Variants in LRRIQ1 observed in about 807,000 individuals in gnomAD.
LRRIQ1 encodes leucine-rich repeat- and IQ domain-containing protein 1.
Under a neutral mutation model 211.9 loss-of-function variants are expected in LRRIQ1, and 210 were observed. That is an observed-to-expected ratio of 0.99 (90% CI 0.89 to 1.11). The LOEUF is 1.11. Among genes scored for constraint, LRRIQ1 ranks in the 50% most tolerant of loss-of-function variants. The pLI is 0.00. For synonymous variants in LRRIQ1, 699 were observed against 650.1 expected, an observed-to-expected ratio of 1.08 and a Z score of -1.14; for missense variants, 2,136 against 1,939.5, an observed-to-expected ratio of 1.10 and a Z score of -1.90.
At chr12:85,117,550 A>C (rs568765572) in intron 15 of LRRIQ1, among the ~76,000 whole-genome samples, 19 of 152,296 alleles carry the variant, frequency 1.2e-4, no homozygotes, top group Non-Finnish European at 2.5e-4. Context: ...TTTCACATTC[A>C]TTCACTCAGG....
chr12:85,170,096 A>G (rs994569611), intron 24 of LRRIQ1, among the ~76,000 whole-genome samples: 7 of 152,062 alleles, frequency 4.6e-5, no homozygotes, highest in Non-Finnish European at 1.0e-4. Context: ...TTATATCTGG[A>G]TAAGGTAGAT....
At chr12:85,173,855 C>T (rs1490864950) in intron 24 of LRRIQ1, among the ~76,000 whole-genome samples, 2 of 152,028 alleles carry the variant, frequency 1.3e-5, no homozygotes, top group African/African-American at 2.4e-5. Flanking sequence ...TAGACCATAG[C>T]ACCATGCCTT....
At chr12:85,236,034 A>G (rs1895158131) in intron 26 of LRRIQ1, among the ~76,000 whole-genome samples, 1 of 152,152 alleles carries the variant, frequency 6.6e-6, no homozygotes, top group Non-Finnish European at 1.5e-5. Flanking sequence ...TGTACTATAA[A>G]GATTGGAAAG....
intron 24 of LRRIQ1, among the ~76,000 whole-genome samples, chr12:85,198,251 G>C (rs531570837): frequency 4.1e-5 from 6 of 146,006 alleles, no homozygotes; most frequent in Admixed American, 1.4e-4. Context: ...TTGTTATTGT[G>C]AATAGTGCTG....
chr12:85,266,486 A>G (rs1371640476), downstream of LRRIQ1, among the ~76,000 whole-genome samples: 2 of 152,164 alleles, frequency 1.3e-5, no homozygotes, highest in Non-Finnish European at 1.5e-5. Context: ...CTTTTCAAAT[A>G]TGCAGATCAT....
intron 10 of LRRIQ1, among the ~76,000 whole-genome samples, chr12:85,067,797 A>G (rs1250552761): frequency 1.3e-5 from 2 of 151,900 alleles, no homozygotes; most frequent in Non-Finnish European, 2.9e-5. Context: ...TTTCTAAATG[A>G]AATTAAAACA....
intron 7 of LRRIQ1, among the ~76,000 whole-genome samples, chr12:85,054,443 A>G (rs1437229803): frequency 6.6e-6 from 1 of 152,132 alleles, no homozygotes; most frequent in Non-Finnish European, 1.5e-5. Context: ...GTGTGCATGC[A>G]ATGTTCGGTC....
At chr12:85,113,563 A>G (rs1362651818) in intron 15 of LRRIQ1, among the ~76,000 whole-genome samples, 2 of 152,166 alleles carry the variant, frequency 1.3e-5, no homozygotes, top group South Asian at 2.1e-4. Context: ...TGTTGAACAA[A>G]TACATTACAG....
chr12:85,099,315 G>A (rs1474410969), intron 13 of LRRIQ1, among the ~76,000 whole-genome samples: 3 of 151,904 alleles, frequency 2.0e-5, no homozygotes, highest in Admixed American at 2.0e-4. Context: ...GAAAATACAG[G>A]AGGTAGTTAA....
At chr12:85,168,981 A>C (rs1291278042) in intron 24 of LRRIQ1, among the ~76,000 whole-genome samples, 1 of 152,178 alleles carries the variant, frequency 6.6e-6, no homozygotes, top group Non-Finnish European at 1.5e-5. Flanking sequence ...CTGTCTCACA[A>C]CACCACTCAC....
At chr12:85,236,234 T>C (rs1409835657) in intron 26 of LRRIQ1, among the ~76,000 whole-genome samples, 4 of 152,270 alleles carry the variant, frequency 2.6e-5, no homozygotes, top group South Asian at 2.1e-4. Context: ...GTATGAATAG[T>C]ACAAACTATA....
chr12:85,190,895 T>C (rs2136937036), intron 24 of LRRIQ1, among the ~76,000 whole-genome samples: 1 of 152,084 alleles, frequency 6.6e-6, no homozygotes, highest in Middle Eastern at 3.4e-3. Context: ...TTCTCATGTA[T>C]TGTCTCTGTG....
intron 2 of LRRIQ1, 28 bp from the exon 3 acceptor site, chr12:85,040,462 C>G: frequency 7.5e-7 from 1 of 1,341,862 alleles, no homozygotes. Flanking sequence ...AACACTTTCA[C>G]AGTTTCTTGT....
intron 1 of LRRIQ1, among the ~76,000 whole-genome samples, chr12:85,256,492 A>G (rs1896098194): frequency 6.6e-6 from 1 of 151,836 alleles, no homozygotes; most frequent in Non-Finnish European, 1.5e-5. Context: ...ATAACATAAT[A>G]AATCCTCAGG....
chr12:85,244,715 G>A (rs1357727405), intron 26 of LRRIQ1, 74 bp from the exon 27 acceptor site: 5 of 1,257,538 alleles, frequency 4.0e-6, no homozygotes, highest in East Asian at 2.3e-5. Context: ...GTTTATTTGG[G>A]GTAATGTGAG....
At chr12:85,103,428 A>T (rs1886535857) in intron 13 of LRRIQ1, among the ~76,000 whole-genome samples, 2 of 151,726 alleles carry the variant, frequency 1.3e-5, no homozygotes, top group South Asian at 2.1e-4. Flanking sequence ...AAGTAAGCCC[A>T]GTTTAATTTT....
chr12:85,200,445 T>A (rs1893232788), intron 24 of LRRIQ1, among the ~76,000 whole-genome samples: 1 of 152,144 alleles, frequency 6.6e-6, no homozygotes, highest in Non-Finnish European at 1.5e-5. Flanking sequence ...TTTGATGCCT[T>A]TTATATCTCT....
rs1565910042 is a variant in LRRIQ1, at chr12:85,217,633, T to A, written c.4823-11884T>A. 3.6e-5 allele frequency among the ~76,000 whole-genome samples: 5 copies of A among 139,318 alleles called. No homozygotes were observed. The South Asian group carries it at 1.1e-3, about 30-fold the overall frequency. The allele number at this position is 139,318 out of a possible 152,430, so 91.4% of individuals were successfully genotyped here. On this transcript the variant is annotated intron_variant, in intron 24 of 26. Coordinates refer to ENST00000393217, the MANE Select transcript of LRRIQ1 (RefSeq NM_001079910.2). ...GTGTATATATATGTATATATGTATATATGTATATATATGTGTATATGTATA... is the reference window on the plus strand; with the variant it reads ...GTGTATATATATGTATATATGTATAAATGTATATATATGTGTATATGTATA...
chr12:85,109,614 C>A (rs1183665665), intron 15 of LRRIQ1, among the ~76,000 whole-genome samples: 2 of 152,026 alleles, frequency 1.3e-5, no homozygotes, highest in African/African-American at 4.8e-5. Context: ...GTCTCTTGAC[C>A]AGCATCAGTC....
Sources: allele counts gnomAD v4.1 joint callset (sites outside exome capture counted in the v4.1 genomes callset), GRCh38; gene constraint gnomAD v4.1.1; transcripts MANE v1.5; gene names NCBI Gene and HGNC (gene_info 2026-07-23, HGNC 2026-07-21).